AGMO: variants seen among roughly 807,000 people sequenced by gnomAD.
The protein encoded by AGMO is alkylglycerol monooxygenase.
Under a neutral mutation model 60.2 loss-of-function variants are expected in AGMO, and 75 were observed. The observed-to-expected ratio is 1.25, with a 90% CI of 1.03 to 1.51. The LOEUF is 1.51. Ranked by LOEUF, AGMO falls within the 40% of genes most tolerant of loss-of-function variation. AGMO has a pLI of 0.00. For missense variants in AGMO, 763 were observed against 525.5 expected (o/e 1.45, Z -4.42); for synonymous variants, 261 against 177.1 (o/e 1.47, Z -3.76).
At chr7:15,295,079 G>A (rs1784372653) in intron 12 of AGMO, among the ~76,000 whole-genome samples, 1 of 151,572 alleles carries the variant, frequency 6.6e-6, no homozygotes. Context: ...AATTATAATT[G>A]CAAAAGAAAG....
At position 15,282,496 on chromosome 7, in the gene AGMO, T is replaced by C. The variant is rs1046973647; in HGVS notation, c.1264-81137A>G. Among the ~76,000 whole-genome samples, 24 of 152,112 alleles carry C rather than the reference T, an allele frequency of 1.6e-4. 2 individuals are homozygous for C. The highest frequency in any genetic ancestry group is 1.6e-3 in the Admixed American group (24 of 15,280). ...AAAGAATTTCAGGGCTTGAAACAAGTCTTTCAAGTCAACTCAATCAGAAAA... is the reference window on the plus strand; with the variant it reads ...AAAGAATTTCAGGGCTTGAAACAAGCCTTTCAAGTCAACTCAATCAGAAAA... On this transcript the variant is annotated intron_variant, in intron 12 of 12. Coordinates refer to ENST00000342526, the MANE Select transcript of AGMO (RefSeq NM_001004320.2).
the AGMO span, among the ~76,000 whole-genome samples, chr7:15,181,161 T>C: frequency 2.6e-5 from 4 of 152,174 alleles, no homozygotes; most frequent in African/African-American, 9.7e-5. Context: ...GGAGAAGACA[T>C]TCAAACCATA....
At chr7:15,311,421 C>A (rs1780766682) in intron 12 of AGMO, among the ~76,000 whole-genome samples, 1 of 152,066 alleles carries the variant, frequency 6.6e-6, no homozygotes, top group African/African-American at 2.4e-5. Context: ...TTAAATGATC[C>A]TATCCTACCT....
chr7:15,401,482 G>T (rs1784550677), intron 5 of AGMO, among the ~76,000 whole-genome samples: 2 of 152,142 alleles, frequency 1.3e-5, no homozygotes, highest in African/African-American at 4.8e-5. Context: ...TTGGAAATTT[G>T]CCTCCTCTTA....
rs1781260484 is a variant in AGMO at position 15,200,919 on chromosome 7, T to C, written c.*366A>G. The stretch of plus-strand genomic sequence containing the variant: ...ACAAACATGTATCTATGCATAATTT[T>C]AGCAAACATCAAAGGAAACATTGTT... On this transcript the variant is annotated 3_prime_UTR_variant, in exon 13 of 13. Transcript: ENST00000342526. 1 of 164,288 alleles carries C rather than the reference T, an allele frequency of 6.1e-6. No individual in the cohort carries two copies. Among genetic ancestry groups the C allele is most frequent in the South Asian group, 1.9e-4 (1 of 5,190 alleles). The allele number at this position is 164,288 out of a possible 1,614,324, so 10.2% of individuals were successfully genotyped here. A position where few individuals can be genotyped will look rare whatever the true frequency, so the allele number is the denominator to read the frequency against.
intron 3 of AGMO, among the ~76,000 whole-genome samples, chr7:15,469,800 G>C (rs1782397951): frequency 6.6e-6 from 1 of 152,088 alleles, no homozygotes; most frequent in African/African-American, 2.4e-5. Flanking sequence ...TAATTTTGAA[G>C]GGGCTAGGAG....
intron 10 of AGMO, among the ~76,000 whole-genome samples, chr7:15,369,804 G>C (rs910389961): frequency 1.3e-5 from 2 of 152,004 alleles, no homozygotes; most frequent in African/African-American, 2.4e-5. Flanking sequence ...TATGTTTATT[G>C]AAAGACTGAT....
chr7:15,388,880 T>A (rs1423304227), intron 8 of AGMO, among the ~76,000 whole-genome samples: 3 of 152,182 alleles, frequency 2.0e-5, no homozygotes, highest in African/African-American at 4.8e-5. Flanking sequence ...GAGTAAACCT[T>A]AGACCCACTT....
the AGMO span, among the ~76,000 whole-genome samples, chr7:15,130,090 T>C: frequency 1.3e-5 from 2 of 152,138 alleles, no homozygotes; most frequent in African/African-American, 4.8e-5. Flanking sequence ...TATCTTAGTT[T>C]ATTGGGCATA....
intron 12 of AGMO, among the ~76,000 whole-genome samples, chr7:15,269,065 T>C (rs1783519291): frequency 6.6e-6 from 1 of 152,102 alleles, no homozygotes; most frequent in South Asian, 2.1e-4. Flanking sequence ...TTTGGCATTG[T>C]GGGCCATACA....
chr7:15,213,006 G>T (rs1423253090), intron 12 of AGMO, among the ~76,000 whole-genome samples: 1 of 151,874 alleles, frequency 6.6e-6, no homozygotes, highest in Non-Finnish European at 1.5e-5. Context: ...TTACAGCAAT[G>T]TTTTCCAAAC....
In AGMO at chr7:15,393,932, C is replaced by T. The variant is rs141432007; in HGVS notation, c.676+181G>A. 6.2e-3 allele frequency among the ~76,000 whole-genome samples: 944 copies of T among 151,294 alleles called. 7 individuals carry two copies. Among genetic ancestry groups the T allele is most frequent in the African/African-American group, 0.022 (909 of 41,102 alleles). On this transcript the variant is annotated intron_variant, in intron 6 of 12. Transcript: ENST00000342526. Reference sequence around the variant, plus strand: ...CCCCCTACCCCACCCCACCCCACCCCACCAGTTCATACTTTGGAGATGAGG... The same window carrying T: ...CCCCCTACCCCACCCCACCCCACCCTACCAGTTCATACTTTGGAGATGAGG...
At chr7:15,294,277 C>T (rs1784353416) in intron 12 of AGMO, among the ~76,000 whole-genome samples, 1 of 151,888 alleles carries the variant, frequency 6.6e-6, no homozygotes, top group South Asian at 2.1e-4. Flanking sequence ...TTAGCTATAA[C>T]ATGCTAGAAA....
chr7:15,325,430 G>C (rs761363398), intron 12 of AGMO, among the ~76,000 whole-genome samples: 2 of 149,124 alleles, frequency 1.3e-5, no homozygotes, highest in Non-Finnish European at 3.0e-5. Context: ...GTCAGATTAA[G>C]ATTAACCTTA....
At chr7:15,322,725 T>TATATATAAATATATAAATATATAA (rs1554413755) in intron 12 of AGMO, among the ~76,000 whole-genome samples, 1 of 72,800 alleles carries the variant, frequency 1.4e-5, no homozygotes, top group Non-Finnish European at 2.3e-5. Context: ...AATATATAAA[T>TATATATAAATATATAAATATATAA]ATATATATAA....
intron 3 of AGMO, among the ~76,000 whole-genome samples, chr7:15,495,865 TC>T (rs555631312): frequency 5.5e-5 from 8 of 144,418 alleles, no homozygotes; most frequent in East Asian, 4.3e-4. Context: ...TCTCTCTCTC[TC>T]CTCTCTCTCT....
chr7:15,318,581 A>G (rs1364151845), intron 12 of AGMO, among the ~76,000 whole-genome samples: 1 of 152,184 alleles, frequency 6.6e-6, no homozygotes, highest in East Asian at 1.9e-4. Flanking sequence ...TAGAAATTAA[A>G]TATTATGAAA....
At chr7:15,144,818 T>TTTTG in the AGMO span, among the ~76,000 whole-genome samples, 68 of 152,240 alleles carry the variant, frequency 4.5e-4, 1 homozygote, top group South Asian at 0.014. Context: ...TAACTTTTCT[T>TTTTG]TTTGTTTGTT....
At chr7:15,160,375 T>G in the AGMO span, among the ~76,000 whole-genome samples, 1 of 152,268 alleles carries the variant, frequency 6.6e-6, no homozygotes, top group South Asian at 2.1e-4. Flanking sequence ...GTCAGGCCTG[T>G]GTCTGATACA....
Sources: allele counts gnomAD v4.1 joint callset (sites outside exome capture counted in the v4.1 genomes callset), GRCh38; gene constraint gnomAD v4.1.1; transcripts MANE v1.5; gene names NCBI Gene and HGNC (gene_info 2026-07-23, HGNC 2026-07-21).